XPNPEP1: variants seen among roughly 807,000 people sequenced by gnomAD.
XPNPEP1 encodes X-prolyl aminopeptidase 1, also known as xaa-Pro aminopeptidase 1.
In XPNPEP1, 39 loss-of-function variants were observed where a neutral mutation model predicts 92.4. The observed-to-expected ratio is 0.42, with a 90% CI of 0.33 to 0.55. XPNPEP1 has a LOEUF of 0.55. Among genes scored for constraint, XPNPEP1 ranks in the 20% least tolerant of loss-of-function variants. The probability of loss-of-function intolerance (pLI) is 0.08; values close to 1 mark genes in which losing one functional copy is unlikely to be tolerated. For synonymous variants in XPNPEP1, 307 were observed against 299.4 expected, an observed-to-expected ratio of 1.03 and a Z score of -0.26; for missense variants, 654 against 856.1, an observed-to-expected ratio of 0.76 and a Z score of 2.95.
rs1048369261 is a variant in XPNPEP1, at chr10:109,870,721, G to A, written c.1696+10C>T. 20 of 1,613,212 alleles carry A rather than the reference G, an allele frequency of 1.2e-5. No individual in the cohort carries two copies. The highest frequency in any genetic ancestry group is 1.7e-5 in the Non-Finnish European group (20 of 1,179,512). The stretch of plus-strand genomic sequence containing the variant: ...GATCCACGCATGCCCTCTATGTGAG[G>A]GACACTTACCATCAGTGACAATCAT... On this transcript the variant is annotated intron_variant, in intron 18 of 20. Transcript: ENST00000502935.
Position 109,923,501 on chromosome 10 carries a change from G to T in XPNPEP1, c.-68C>A. On this transcript the variant is annotated 5_prime_UTR_variant, in exon 1 of 21. Transcript: ENST00000502935. The stretch of plus-strand genomic sequence containing the variant: ...CAGCTGATCACCCGCGGAAGGGCCG[G>T]CGCGAAGGAGGCGCGAGAGCCGGCG... The T allele has an allele frequency of 7.9e-7, 1 of 1,266,926 alleles. No individual in the cohort carries two copies. The highest frequency in any genetic ancestry group is 1.0e-6 in the Non-Finnish European group (1 of 1,000,998). 78.5% of individuals were successfully genotyped at this position (1,266,926 alleles called of 1,614,324 possible). A position where few individuals can be genotyped will look rare whatever the true frequency, so the allele number is the denominator to read the frequency against.
chr10:109,896,162 T>C (rs948358835), intron 3 of XPNPEP1, among the ~76,000 whole-genome samples: 3 of 152,208 alleles, frequency 2.0e-5, no homozygotes, highest in Non-Finnish European at 4.4e-5. Flanking sequence ...ATCATTACAT[T>C]TGAGATCAAA....
intron 3 of XPNPEP1, among the ~76,000 whole-genome samples, chr10:109,895,145 T>C (rs1214252353): frequency 6.6e-6 from 1 of 152,192 alleles, no homozygotes; most frequent in South Asian, 2.1e-4. Flanking sequence ...ATAACTCTTG[T>C]GCTAAAAATC....
chr10:109,869,762 A>T (rs1847344943), intron 19 of XPNPEP1, 191 bp downstream of exon 19: 1 of 527,514 alleles, frequency 1.9e-6, no homozygotes, highest in Non-Finnish European at 3.4e-6. Context: ...TGATATCTGG[A>T]GAAGAAGGCT....
At chr10:109,868,737 T>C in intron 19 of XPNPEP1, 25 bp from the exon 20 acceptor site, 1 of 1,595,394 alleles carries the variant, frequency 6.3e-7, no homozygotes. Context: ...AGAAAACAGA[T>C]GCTTTTACTC....
rs145736091 is a variant in XPNPEP1 at position 109,915,988 on chromosome 10, C to T, written c.33-889G>A. 4.2e-3 allele frequency among the ~76,000 whole-genome samples: 639 copies of T among 152,268 alleles called. 2 individuals are homozygous for T. The highest frequency in any genetic ancestry group is 7.1e-3 in the Non-Finnish European group (486 of 68,034). On this transcript the variant is annotated intron_variant, in intron 1 of 20. Transcript: ENST00000502935. ...TGGACACAACAGTGAACAAAACAGACAAGATCTCTGACTTTAACAAATTAA... is the reference window on the plus strand; with the variant it reads ...TGGACACAACAGTGAACAAAACAGATAAGATCTCTGACTTTAACAAATTAA...
intron 12 of XPNPEP1, among the ~76,000 whole-genome samples, chr10:109,879,873 G>A (rs1389841450): frequency 6.6e-6 from 1 of 152,034 alleles, no homozygotes; most frequent in East Asian, 1.9e-4. Context: ...AATACAATCA[G>A]CTTGCCTATA....
chr10:109,896,623 C>T (rs1010004340), intron 3 of XPNPEP1, among the ~76,000 whole-genome samples: 5 of 151,830 alleles, frequency 3.3e-5, no homozygotes, highest in African/African-American at 1.2e-4. Flanking sequence ...TTCCTCAACC[C>T]CCATCTTAAC....
intron 3 of XPNPEP1, among the ~76,000 whole-genome samples, chr10:109,898,997 G>A (rs944996993): frequency 6.6e-6 from 1 of 152,156 alleles, no homozygotes; most frequent in South Asian, 2.1e-4. Flanking sequence ...AAATATACAA[G>A]GTTCTCAAGA....
At chr10:109,916,368 T>C (rs901185419) in intron 1 of XPNPEP1, among the ~76,000 whole-genome samples, 2 of 152,174 alleles carry the variant, frequency 1.3e-5, no homozygotes, top group Non-Finnish European at 2.9e-5. Flanking sequence ...AGTGTGATTG[T>C]ATCAGGGGAT....
chr10:109,905,228 C>T (rs1033557523), intron 3 of XPNPEP1, among the ~76,000 whole-genome samples: 6 of 151,614 alleles, frequency 4.0e-5, no homozygotes, highest in South Asian at 2.1e-4. Context: ...TTTTTTGAGA[C>T]GGAATCTCGC....
chr10:109,916,262 G>A (rs745588734), intron 1 of XPNPEP1, among the ~76,000 whole-genome samples: 2 of 152,200 alleles, frequency 1.3e-5, no homozygotes, highest in Admixed American at 6.5e-5. Flanking sequence ...CCATGTGAAC[G>A]GCTAGGGGAA....
intron 5 of XPNPEP1, among the ~76,000 whole-genome samples, chr10:109,889,759 A>G (rs1223694153): frequency 2.0e-5 from 3 of 152,264 alleles, no homozygotes; most frequent in Admixed American, 2.0e-4. Context: ...ATTCTAAAAC[A>G]GTAGAAACTT....
At chr10:109,873,133 T>C (rs1392394830) in intron 16 of XPNPEP1, among the ~76,000 whole-genome samples, 1 of 152,232 alleles carries the variant, frequency 6.6e-6, no homozygotes, top group Admixed American at 6.5e-5. Flanking sequence ...ATATTTAAAC[T>C]TACACCTGAG....
intron 2 of XPNPEP1, among the ~76,000 whole-genome samples, chr10:109,911,305 C>T (rs147613748): frequency 1.4e-3 from 213 of 152,140 alleles, no homozygotes; most frequent in African/African-American, 4.7e-3. Flanking sequence ...TGAGGGGAGA[C>T]GGGGTCTTAC....
intron 5 of XPNPEP1, among the ~76,000 whole-genome samples, chr10:109,890,404 G>A (rs910812980): frequency 6.6e-6 from 1 of 152,044 alleles, no homozygotes; most frequent in Admixed American, 6.6e-5. Context: ...GGAATATAGA[G>A]GAACACTAGC....
chr10:109,887,149 A>ACAAAAGCTTTAT (rs11272128), intron 7 of XPNPEP1, among the ~76,000 whole-genome samples: 106,654 of 151,848 alleles, frequency 0.7, 38,121 homozygotes, highest in South Asian at 0.8. Flanking sequence ...TGTGTACTGA[A>ACAAAAGCTTTAT]CAGCAACATT....
chr10:109,913,392 T>C (rs1471060032), intron 2 of XPNPEP1, among the ~76,000 whole-genome samples: 3 of 152,354 alleles, frequency 2.0e-5, no homozygotes, highest in South Asian at 4.1e-4. Context: ...AGTCTCGTTA[T>C]AAGAATGGAA....
chr10:109,886,178 C>T, intron 8 of XPNPEP1, 68 bp downstream of exon 8: 1 of 1,521,934 alleles, frequency 6.6e-7, no homozygotes, highest in South Asian at 1.2e-5. Context: ...GGCATGAACA[C>T]ACAGATACCC....
Sources: allele counts gnomAD v4.1 joint callset (sites outside exome capture counted in the v4.1 genomes callset), GRCh38; gene constraint gnomAD v4.1.1; transcripts MANE v1.5; gene names NCBI Gene and HGNC (gene_info 2026-07-23, HGNC 2026-07-21).